Variants in E2F5 observed in about 807,000 individuals in gnomAD.
E2F5 encodes transcription factor E2F5.
E2F5 carries 23 observed loss-of-function variants against 39.1 expected under a neutral mutation model. The observed-to-expected ratio is 0.59, with a 90% CI of 0.42 to 0.83. The LOEUF is 0.83. Among genes scored for constraint, E2F5 ranks in the 40% least tolerant of loss-of-function variants. The probability of loss-of-function intolerance (pLI) is 0.00; values close to 1 mark genes in which losing one functional copy is unlikely to be tolerated. For synonymous variants in E2F5, 145 were observed against 157.8 expected (o/e 0.92, Z 0.61); for missense variants, 365 against 406.7 (o/e 0.90, Z 0.88).
intron 1 of E2F5, among the ~76,000 whole-genome samples, chr8:85,195,875 G>C (rs1812568535): frequency 6.6e-6 from 1 of 152,074 alleles, no homozygotes; most frequent in Non-Finnish European, 1.5e-5. Flanking sequence ...CTGAGGTTCA[G>C]CATTATTGTC....
At chr8:85,181,045 T>G (rs897136143) in intron 1 of E2F5, among the ~76,000 whole-genome samples, 3 of 151,976 alleles carry the variant, frequency 2.0e-5, no homozygotes, top group African/African-American at 4.8e-5. Context: ...GCCTGGCTTA[T>G]TTTTATATTT....
chr8:85,212,448 C>A (rs1252767952), intron 7 of E2F5: 3 of 418,246 alleles, frequency 7.2e-6, no homozygotes, highest in African/African-American at 6.2e-5. Context: ...TGAAAATAAA[C>A]TGTTAGCCCT....
At chr8:85,202,403 G>T in intron 2 of E2F5, 147 bp downstream of exon 2, 1 of 607,624 alleles carries the variant, frequency 1.6e-6, no homozygotes, top group Non-Finnish European at 2.8e-6. Flanking sequence ...CTGGGCCTCT[G>T]TGTCACTCCT....
rs747579309 is a variant in E2F5, at chr8:85,209,220, G to C, written c.694G>C (p.Glu232Gln). ...TATCCATGTGCTGCTTATAAATAAAGAGTCGAGTTCATCTAAGCCCGTGGT... is the reference window on the plus strand; with the variant it reads ...TATCCATGTGCTGCTTATAAATAAACAGTCGAGTTCATCTAAGCCCGTGGT... ...GPIHVLLINK[E>Q]SSSSKPVVFP... Residue 232 changes from glutamate (E) to glutamine (Q), a missense_variant, in exon 6 of 8, where the codon GAG (glutamate) becomes CAG (glutamine). Coordinates refer to ENST00000416274, the MANE Select transcript of E2F5 (RefSeq NM_001951.4). The C allele has an allele frequency of 6.8e-6, 11 of 1,613,814 alleles. No individual in the cohort carries two copies. The Admixed American group carries it at 1.0e-4, about 15-fold the overall frequency.
rs1813024392 is a variant in E2F5, at chr8:85,214,032, A to G, written c.*170A>G. Reference sequence around the variant, plus strand: ...TTCACAAAACTTCAACCATAAAAACAAAGGGCTCTGATTGCTTTAGGGGAT... The same window carrying G: ...TTCACAAAACTTCAACCATAAAAACGAAGGGCTCTGATTGCTTTAGGGGAT... On this transcript the variant is annotated 3_prime_UTR_variant, in exon 8 of 8. Coordinates refer to ENST00000416274, the MANE Select transcript of E2F5 (RefSeq NM_001951.4). 1.7e-6 allele frequency: 1 copy of G among 596,346 alleles called. No homozygotes were observed. Among genetic ancestry groups the G allele is most frequent in the Non-Finnish European group, 3.0e-6 (1 of 338,812 alleles). The allele number at this position is 596,346 out of a possible 1,614,324, so 36.9% of individuals were successfully genotyped here. A position where few individuals can be genotyped will look rare whatever the true frequency, so the allele number is the denominator to read the frequency against.
intron 1 of E2F5, chr8:85,187,673 T>A (rs966047000): frequency 6.6e-6 from 1 of 152,194 alleles, no homozygotes; most frequent in African/African-American, 2.4e-5. Flanking sequence ...TCAGTCTACG[T>A]CCTTACAGGT....
intron 1 of E2F5, among the ~76,000 whole-genome samples, chr8:85,194,199 T>C (rs1812529518): frequency 1.3e-5 from 2 of 152,174 alleles, no homozygotes; most frequent in Non-Finnish European, 2.9e-5. Flanking sequence ...TTGCTGTATA[T>C]GCATGTATGT....
rs1043417941 is a variant in E2F5, at chr8:85,200,345, C to T, written c.235-1802C>T. On this transcript the variant is annotated intron_variant, in intron 1 of 7. Coordinates refer to ENST00000416274, the MANE Select transcript of E2F5 (RefSeq NM_001951.4). ...TGTTAGTCATTTATATGTTTACATA[C>T]TTAAATAGTAAAGTATTTGAGAAAT... 22 of 872,968 alleles carry T rather than the reference C, an allele frequency of 2.5e-5. No individual in the cohort carries two copies. The East Asian group carries it at 2.3e-3, about 93-fold the overall frequency. 54.1% of individuals were successfully genotyped at this position (872,968 alleles called of 1,614,324 possible). A position where few individuals can be genotyped will look rare whatever the true frequency, so the allele number is the denominator to read the frequency against.
At position 85,194,679 on chromosome 8, in the gene E2F5, C is replaced by T. The variant is rs568851045; in HGVS notation, c.235-7468C>T. On this transcript the variant is annotated intron_variant, in intron 1 of 7. Coordinates refer to ENST00000416274, the MANE Select transcript of E2F5 (RefSeq NM_001951.4). ...CCTCCCAAGTAGCTGGGATTACAAG[C>T]GCCTGCCACCGCGCATGGCTAATTT... 2.5e-4 allele frequency among the ~76,000 whole-genome samples: 38 copies of T among 150,834 alleles called. No individual in the cohort carries two copies. In the East Asian group the frequency reaches 5.1e-3, roughly 20 times the overall value.
intron 3 of E2F5, among the ~76,000 whole-genome samples, chr8:85,204,890 AATT>A (rs1201148247): frequency 6.6e-6 from 1 of 152,126 alleles, no homozygotes; most frequent in Admixed American, 6.5e-5. Flanking sequence ...AGCCCACCAA[AATT>A]ATCCAAACTA....
intron 1 of E2F5, among the ~76,000 whole-genome samples, chr8:85,190,298 A>C (rs1189069306): frequency 6.7e-6 from 1 of 149,536 alleles, no homozygotes; most frequent in African/African-American, 2.5e-5. Flanking sequence ...ACACAAACAC[A>C]CAACTGGCCA....
rs540814900 is a variant in E2F5 at position 85,182,687 on chromosome 8, ATGTATC to A, written c.234+5039_234+5044del. 1.4e-4 allele frequency among the ~76,000 whole-genome samples: 22 copies of A among 152,344 alleles called. 1 individual carries two copies. In the South Asian group the frequency reaches 2.9e-3, roughly 20 times the overall value. ...AACAACTGTTAAGATAGTCATGACT[ATGTATC>A]TGTATGTTGTTTTGAAAATTCCTAT... On this transcript the variant is annotated intron_variant, in intron 1 of 7. Coordinates refer to ENST00000416274, the MANE Select transcript of E2F5 (RefSeq NM_001951.4).
chr8:85,201,003 C>T (rs1563981125), intron 1 of E2F5, among the ~76,000 whole-genome samples: 3 of 152,202 alleles, frequency 2.0e-5, no homozygotes, highest in African/African-American at 7.2e-5. Flanking sequence ...GATGGGACAG[C>T]AGTAACCTGG....
chr8:85,211,712 C>T (rs369714687), intron 6 of E2F5, among the ~76,000 whole-genome samples: 3 of 122,268 alleles, frequency 2.5e-5, no homozygotes, highest in East Asian at 2.6e-4. Context: ...AATGCAGTGG[C>T]GCGATCTCAG....
chr8:85,180,571 C>CTT (rs1812189059), intron 1 of E2F5, among the ~76,000 whole-genome samples: 3 of 54,024 alleles, frequency 5.6e-5, no homozygotes, highest in African/African-American at 2.4e-4. Flanking sequence ...TTTGGTTGGT[C>CTT]TTGTTTTTTT....
chr8:85,178,614 C>T (rs1812137112), intron 1 of E2F5, among the ~76,000 whole-genome samples: 1 of 152,142 alleles, frequency 6.6e-6, no homozygotes. Flanking sequence ...ACTGCAAATC[C>T]CCTTTGACTC....
chr8:85,204,901 C>G (rs1037286960), intron 3 of E2F5, among the ~76,000 whole-genome samples: 17 of 152,178 alleles, frequency 1.1e-4, no homozygotes, highest in African/African-American at 4.1e-4. Context: ...ATTATCCAAA[C>G]TAGGCCAAAT....
At position 85,209,262 on chromosome 8, in the gene E2F5, C is replaced by T; in HGVS notation, c.736C>T (p.Pro246Ser). 2.5e-6 allele frequency: 4 copies of T among 1,613,970 alleles called. No individual in the cohort carries two copies. The highest frequency in any genetic ancestry group is 3.4e-6 in the Non-Finnish European group (4 of 1,179,888). ...GCCCGTGGTTTTTCCTGTTCCCCCA[C>T]CTGATGACCTCACACAGCCTTCCTC... ...SKPVVFPVPP[P>S]DDLTQPSSQS... The change falls in exon 6 of 8, where the codon CCT becomes TCT. Residue 246 changes from proline to serine, a missense_variant. Coordinates refer to ENST00000416274, the MANE Select transcript of E2F5 (RefSeq NM_001951.4).
intron 1 of E2F5, among the ~76,000 whole-genome samples, chr8:85,197,044 T>C (rs1202524306): frequency 6.6e-6 from 1 of 152,216 alleles, no homozygotes; most frequent in Non-Finnish European, 1.5e-5. Flanking sequence ...TCCCATCTTC[T>C]TTTCAAGTGG....
Sources: allele counts gnomAD v4.1 joint callset (sites outside exome capture counted in the v4.1 genomes callset), GRCh38; gene constraint gnomAD v4.1.1; transcripts MANE v1.5; gene names NCBI Gene and HGNC (gene_info 2026-07-23, HGNC 2026-07-21).